Variants in HYDIN observed in about 807,000 individuals in gnomAD.
The protein encoded by HYDIN is axonemal central pair apparatus protein HYDIN.
In HYDIN, 132 loss-of-function variants were observed where a neutral mutation model predicts 403.9. The observed-to-expected ratio is 0.33, with a 90% CI of 0.28 to 0.38. HYDIN has a LOEUF of 0.38. HYDIN is among the 10% of genes least tolerant of loss of function. HYDIN has a pLI of 1.00. For missense variants in HYDIN, 2,827 were observed against 5,009.5 expected, an observed-to-expected ratio of 0.56 and a Z score of 13.15; for synonymous variants, 1,202 against 1,891.7, an observed-to-expected ratio of 0.64 and a Z score of 9.46.
intron 83 of HYDIN, among the ~76,000 whole-genome samples, chr16:70,820,298 C>T (rs112238655): frequency 5.0e-5 from 7 of 139,326 alleles, no homozygotes; most frequent in African/African-American, 1.6e-4. Flanking sequence ...TCATGTCATT[C>T]TCCTGCTTCA....
intron 18 of HYDIN, among the ~76,000 whole-genome samples, chr16:71,056,750 C>T (rs1227602912): frequency 2.0e-5 from 3 of 152,180 alleles, no homozygotes; most frequent in African/African-American, 7.2e-5. Context: ...TTGTAATAGG[C>T]TTGGGGAATA....
chr16:70,840,336 T>C (rs1362307119), intron 75 of HYDIN, 103 bp from the exon 76 acceptor site: 2 of 1,053,974 alleles, frequency 1.9e-6, no homozygotes, highest in Non-Finnish European at 2.7e-6. Context: ...CTTTAACAAA[T>C]ACAGGTCTCA....
intron 55 of HYDIN, chr16:70,893,530 T>C (rs1212199514): frequency 6.6e-6 from 1 of 151,726 alleles, no homozygotes; most frequent in African/African-American, 2.5e-5. Context: ...TTCTTTTTTT[T>C]TTTTTGAGAC....
At chr16:71,010,774 A>G (rs1003266261) in intron 23 of HYDIN, among the ~76,000 whole-genome samples, 4 of 152,108 alleles carry the variant, frequency 2.6e-5, no homozygotes, top group African/African-American at 9.7e-5. Context: ...TTATTCTGAA[A>G]GAAAAAATAA....
intron 45 of HYDIN, 126 bp from the exon 46 acceptor site, chr16:70,921,343 C>A (rs879082534): frequency 1.1e-5 from 9 of 832,070 alleles, no homozygotes; most frequent in African/African-American, 1.7e-5. Flanking sequence ...ACCTCCCCTG[C>A]ACGCTAAGGT....
intron 75 of HYDIN, among the ~76,000 whole-genome samples, chr16:70,844,401 A>G (rs1018037229): frequency 2.1e-5 from 3 of 143,488 alleles, no homozygotes; most frequent in Non-Finnish European, 4.5e-5. Context: ...CCATTGATCT[A>G]TATCTCTGTT....
chr16:70,981,004 G>T (rs2079029285), intron 29 of HYDIN, among the ~76,000 whole-genome samples: 1 of 151,874 alleles, frequency 6.6e-6, no homozygotes, highest in Non-Finnish European at 1.5e-5. Context: ...TTTATACTTT[G>T]AGAATTCTAC....
At position 70,805,263 on chromosome 16, in the gene HYDIN, C is replaced by T. The variant is rs2035060348; in HGVS notation, c.*2317G>A. Among the ~76,000 whole-genome samples the T allele has an allele frequency of 6.6e-6, 1 of 152,204 alleles. No homozygotes were observed. The highest frequency in any genetic ancestry group is 6.5e-5 in the Admixed American group (1 of 15,280). On this transcript the variant is annotated 3_prime_UTR_variant, in exon 86 of 86. Coordinates refer to ENST00000393567, the MANE Select transcript of HYDIN (RefSeq NM_001270974.2). ...GCCAGGTACCTTAAAGTAGCACTCT[C>T]AGCTGCAATGTGCATGCAAATCGCC...
intron 18 of HYDIN, among the ~76,000 whole-genome samples, chr16:71,058,239 T>G (rs111308689): frequency 7.0e-4 from 40 of 56,816 alleles, no homozygotes; most frequent in African/African-American, 2.4e-3. Flanking sequence ...GTGGCACATA[T>G]ACACCATGGA....
Position 70,868,639 on chromosome 16 carries a change from G to A in HYDIN, c.11241C>T (p.Asp3747=). Residue 3747 remains aspartate (D), a synonymous_variant, in exon 66 of 86, where the codon GAC becomes GAT. Coordinates refer to ENST00000393567, the MANE Select transcript of HYDIN (RefSeq NM_001270974.2). ...CCACCCACTTGACTGTGTGCATGCG[G>A]TCATCCCAGTCGGGGACCTGGTCTG... ...LPADQVPDWD[D]RMHTVKWVDV... is the part of the protein sequence containing the mutation. 2 of 1,614,056 alleles carry A rather than the reference G, an allele frequency of 1.2e-6. No homozygotes were observed. The highest frequency in any genetic ancestry group is 1.7e-6 in the Non-Finnish European group (2 of 1,180,014).
chr16:70,914,579 G>A (rs12149670), intron 47 of HYDIN, among the ~76,000 whole-genome samples: 27 of 131,660 alleles, frequency 2.1e-4, no homozygotes, highest in Middle Eastern at 6.9e-3. Context: ...TCTTTCCTTC[G>A]TCTTAACTTT....
At chr16:70,951,248 C>G (rs1441467111) in intron 41 of HYDIN, among the ~76,000 whole-genome samples, 40 of 130,292 alleles carry the variant, frequency 3.1e-4, no homozygotes, top group East Asian at 4.4e-4. Context: ...GGAAAAGGGA[C>G]AGAGAGAGAG....
rs1468250531 is a variant in HYDIN, at chr16:70,809,921, G to A, written c.14745C>T (p.Tyr4915=). The change falls in exon 85 of 86, where the codon TAC becomes TAT. Residue 4915 remains tyrosine (Y), a synonymous_variant. Transcript: ENST00000393567. The part of the protein sequence containing the change: ...LTLHNTDLGY[Y]QYELYLKATP... ...TGGCTTTCAGATAGAGCTCATATTG[G>A]TAGTAACCCAAGTCAGTGTTGTGCA... is the stretch of plus-strand genomic sequence containing the variant. The A allele has an allele frequency of 2.5e-6, 4 of 1,614,176 alleles. No individual in the cohort carries two copies. The highest frequency in any genetic ancestry group is 3.4e-6 in the Non-Finnish European group (4 of 1,180,030).
In HYDIN at chr16:70,868,796, A is replaced by G; in HGVS notation, c.11092-8T>C. ...AGGGTGGAGGTGGCCCATCTAGGAAAGAGCCTGGTATTAGTATTTTTGAGA... is the reference window on the plus strand; with the variant it reads ...AGGGTGGAGGTGGCCCATCTAGGAAGGAGCCTGGTATTAGTATTTTTGAGA... On this transcript the variant is annotated splice_region_variant and splice_polypyrimidine_tract_variant and intron_variant, in intron 65 of 85. Coordinates refer to ENST00000393567, the MANE Select transcript of HYDIN (RefSeq NM_001270974.2). 6.2e-7 allele frequency: 1 copy of G among 1,611,346 alleles called. No homozygotes were observed. The highest frequency in any genetic ancestry group is 8.5e-7 in the Non-Finnish European group (1 of 1,178,694).
At position 71,211,153 on chromosome 16, in the gene HYDIN, A is replaced by C. The variant is rs544048402; in HGVS notation, c.-24+19409T>G. Among the ~76,000 whole-genome samples, 3 of 152,260 alleles carry C rather than the reference A, an allele frequency of 2.0e-5. No individual in the cohort carries two copies. The South Asian group carries it at 6.2e-4, about 32-fold the overall frequency. ...CATTACCATCTCTAGCAAGTCATAA[A>C]ACCTGTCCTGGTGCTGAGCAGAAAA... On this transcript the variant is annotated intron_variant, in intron 1 of 85. Coordinates refer to ENST00000393567, the MANE Select transcript of HYDIN (RefSeq NM_001270974.2).
Position 70,978,933 on chromosome 16 carries a change from G to A in HYDIN, c.4619C>T (p.Pro1540Leu). ...TCTTACCTCAGCAGGCTCGTCTTCTGGCACTTCCTCAGTTATTATGTCAAA... is the reference window on the plus strand; with the variant it reads ...TCTTACCTCAGCAGGCTCGTCTTCTAGCACTTCCTCAGTTATTATGTCAAA... The part of the protein sequence containing the change: ...DHFDIITEEV[P>L]EDEPAEVSAH... The change falls in exon 30 of 86, where the codon CCA becomes CTA. Residue 1540 changes from proline to leucine, a missense_variant. Coordinates refer to ENST00000393567, the MANE Select transcript of HYDIN (RefSeq NM_001270974.2). The A allele has an allele frequency of 6.2e-7, 1 of 1,613,772 alleles. No homozygotes were observed.
At chr16:71,202,364 G>T (rs1462866667) in intron 1 of HYDIN, among the ~76,000 whole-genome samples, 1 of 152,082 alleles carries the variant, frequency 6.6e-6, no homozygotes, top group East Asian at 1.9e-4. Flanking sequence ...ATGAAGAACA[G>T]GTATTGAAAT....
At chr16:70,944,242 C>T (rs1228892765) in intron 41 of HYDIN, among the ~76,000 whole-genome samples, 14 of 152,206 alleles carry the variant, frequency 9.2e-5, no homozygotes, top group Admixed American at 6.5e-4. Flanking sequence ...TGCTTAGGTA[C>T]TAGGGATATA....
intron 1 of HYDIN, among the ~76,000 whole-genome samples, chr16:71,219,243 T>C (rs1226271655): frequency 1.3e-5 from 2 of 152,124 alleles, no homozygotes; most frequent in Non-Finnish European, 2.9e-5. Flanking sequence ...GATCATAATG[T>C]TATTAGAGCA....
Sources: gnomAD v4.1 joint callset for allele counts (sites outside exome capture counted in the v4.1 genomes callset) on GRCh38, gnomAD v4.1.1 for gene constraint, MANE v1.5 for transcripts, NCBI Gene and HGNC (gene_info 2026-07-23, HGNC 2026-07-21) for gene names.